Variants in SOAT1 observed in about 807,000 individuals in gnomAD.
The protein encoded by SOAT1 is sterol O-acyltransferase 1.
A neutral mutation model predicts 69.5 loss-of-function variants in SOAT1; 55 were observed. The ratio of observed to expected loss-of-function variants is 0.79; its 90% CI spans 0.64 to 0.99. SOAT1 has a LOEUF of 0.99. SOAT1 is among the 50% of genes least tolerant of loss of function. The pLI, the probability that SOAT1 is intolerant of heterozygous loss-of-function variation, is 0.00. For synonymous variants in SOAT1, 231 were observed against 224.7 expected (o/e 1.03, Z -0.25); for missense variants, 580 against 669.3 (o/e 0.87, Z 1.47).
At chr1:179,296,528 C>T (rs1158895631) in intron 1 of SOAT1, among the ~76,000 whole-genome samples, 1 of 152,162 alleles carries the variant, frequency 6.6e-6, no homozygotes. Context: ...AGAGATTATA[C>T]TAACCATACA....
Position 179,341,243 on chromosome 1 carries a change from G to C in SOAT1, c.713G>C (p.Gly238Ala). The C allele has an allele frequency of 6.2e-7, 1 of 1,614,008 alleles. No homozygotes were observed. Among genetic ancestry groups the C allele is most frequent in the African/African-American group, 1.3e-5 (1 of 74,980 alleles). ...TTCCAGATTGGAGTTCTAGGTTTTG[G>C]ACCAACATATGTTGTGTTAGCATAT... ...MIFQIGVLGF[G>A]PTYVVLAYTL... Residue 238 changes from glycine (G) to alanine (A), a missense_variant, in exon 7 of 16, where the codon GGA becomes GCA. Gly to Ala is a moderately conservative substitution (Grantham distance 60). Coordinates refer to ENST00000367619, the MANE Select transcript of SOAT1 (RefSeq NM_003101.6).
chr1:179,355,447 C>T lies in SOAT1; in HGVS notation c.*1806C>T, dbSNP rs1666874577. ...GTTAAGAAATACTATAAATATGACT[C>T]TTATGAGAAGACTTTGTTGCTCTGT... On this transcript the variant is annotated 3_prime_UTR_variant, in exon 16 of 16. Coordinates refer to ENST00000367619, the MANE Select transcript of SOAT1 (RefSeq NM_003101.6). The T allele has an allele frequency of 1.3e-5, 2 of 152,162 alleles. No individual in the cohort carries two copies. The allele number at this position is 152,162 out of a possible 1,614,324, so 9.4% of individuals were successfully genotyped here. A position where few individuals can be genotyped will look rare whatever the true frequency, so the allele number is the denominator to read the frequency against.
chr1:179,323,045 CTTTTTTTT>C (rs36045111), intron 2 of SOAT1, among the ~76,000 whole-genome samples: 2 of 126,740 alleles, frequency 1.6e-5, no homozygotes, highest in Non-Finnish European at 3.2e-5. Flanking sequence ...TCTTTTCTTT[CTTTTTTTT>C]TTTTTTTTGC....
At chr1:179,338,239 T>A (rs1167444238) in intron 5 of SOAT1, among the ~76,000 whole-genome samples, 1 of 151,980 alleles carries the variant, frequency 6.6e-6, no homozygotes, top group Admixed American at 6.6e-5. Context: ...ATACAAAAAA[T>A]TAGCCAGGCT....
rs1424881897 is a variant in SOAT1 at position 179,329,727 on chromosome 1, AAAG to A, written c.178-5775_178-5773del. The stretch of plus-strand genomic sequence containing the variant: ...AAGACTTCATCTCAAAAAAAAAAAA[AAAG>A]AAGTTTTTGGATAGTGTTTATCTAT... On this transcript the variant is annotated intron_variant, in intron 3 of 15. Coordinates refer to ENST00000367619, the MANE Select transcript of SOAT1 (RefSeq NM_003101.6). Among the ~76,000 whole-genome samples the A allele has an allele frequency of 1.1e-4, 16 of 152,212 alleles. No individual in the cohort carries two copies. The South Asian group carries it at 2.3e-3, about 22-fold the overall frequency.
At chr1:179,350,213 G>A (rs963907833) in intron 13 of SOAT1, 83 bp from the exon 14 acceptor site, 6 of 1,114,966 alleles carry the variant, frequency 5.4e-6, no homozygotes, top group African/African-American at 1.6e-5. Flanking sequence ...AGGTGCCTTT[G>A]GCATATAATT....
At chr1:179,325,713 C>T (rs1571429336) in intron 3 of SOAT1, among the ~76,000 whole-genome samples, 1 of 151,998 alleles carries the variant, frequency 6.6e-6, no homozygotes, top group African/African-American at 2.4e-5. Context: ...CTTTCCCATA[C>T]AGAATCACAA....
At chr1:179,352,391 T>A (rs1305680419) in intron 15 of SOAT1, among the ~76,000 whole-genome samples, 4 of 152,122 alleles carry the variant, frequency 2.6e-5, no homozygotes, top group Non-Finnish European at 1.5e-5. Context: ...TGCTTATAGT[T>A]ATGGATAGAA....
intron 3 of SOAT1, among the ~76,000 whole-genome samples, chr1:179,326,550 CTTTTTTTT>C (rs10568516): frequency 4.3e-4 from 46 of 106,328 alleles, no homozygotes; most frequent in African/African-American, 1.1e-3. Context: ...AATTTCTTTT[CTTTTTTTT>C]TTTTTTTTTT....
chr1:179,302,351 C>T lies in SOAT1; in HGVS notation c.-8-326C>T, dbSNP rs143076582. ...ATCTCATCTCTAACTGTAATCACCA[C>T]GTGTCTAGGGAGGGAACTGGTGGGA... On this transcript the variant is annotated intron_variant, in intron 1 of 15. Coordinates refer to ENST00000367619, the MANE Select transcript of SOAT1 (RefSeq NM_003101.6). Among the ~76,000 whole-genome samples, 488 of 152,258 alleles carry T rather than the reference C, an allele frequency of 3.2e-3. 5 individuals are homozygous for T. The highest frequency in any genetic ancestry group is 0.011 in the African/African-American group (451 of 41,548).
intron 2 of SOAT1, among the ~76,000 whole-genome samples, chr1:179,321,438 G>A (rs1236401292): frequency 6.6e-6 from 1 of 152,160 alleles, no homozygotes; most frequent in Non-Finnish European, 1.5e-5. Context: ...CCAAAGTGTG[G>A]GGATTGCAGG....
chr1:179,327,361 C>G (rs1489429085), intron 3 of SOAT1, among the ~76,000 whole-genome samples: 1 of 152,114 alleles, frequency 6.6e-6, no homozygotes. Flanking sequence ...TTTCCTTGAT[C>G]TTTAAAGTGA....
At chr1:179,328,841 C>T (rs1488554501) in intron 3 of SOAT1, among the ~76,000 whole-genome samples, 1 of 151,824 alleles carries the variant, frequency 6.6e-6, no homozygotes, top group African/African-American at 2.4e-5. Flanking sequence ...TTCATGAATT[C>T]GAGACCAGCC....
intron 3 of SOAT1, 64 bp downstream of exon 3, chr1:179,323,559 A>G: frequency 1.5e-6 from 2 of 1,301,768 alleles, no homozygotes; most frequent in Non-Finnish European, 2.2e-6. Flanking sequence ...GTTTGGTAAC[A>G]TTTTTAATGC....
At chr1:179,317,855 A>G (rs1283211602) in intron 2 of SOAT1, among the ~76,000 whole-genome samples, 1 of 152,122 alleles carries the variant, frequency 6.6e-6, no homozygotes, top group African/African-American at 2.4e-5. Flanking sequence ...ATTATTCACA[A>G]ACTCATTTGT....
At position 179,302,812 on chromosome 1, in the gene SOAT1, AAT is replaced by A; in HGVS notation, c.118+11_118+12del. ...GAGACACCTAGTAATGGTGAGGCTT[AAT>A]TTTTTTTTTTTAGGTGAATTAGTGA... On this transcript the variant is annotated intron_variant, in intron 2 of 15. Transcript: ENST00000367619. 1 of 1,503,106 alleles carries A rather than the reference AAT, an allele frequency of 6.7e-7. No individual in the cohort carries two copies. The highest frequency in any genetic ancestry group is 9.0e-7 in the Non-Finnish European group (1 of 1,111,984). 93.1% of individuals were successfully genotyped at this position (1,503,106 alleles called of 1,614,324 possible). A position where few individuals can be genotyped will look rare whatever the true frequency, so the allele number is the denominator to read the frequency against.
At chr1:179,340,956 T>G in intron 6 of SOAT1, 72 bp from the exon 7 acceptor site, 1 of 1,449,104 alleles carries the variant, frequency 6.9e-7, no homozygotes, top group South Asian at 1.3e-5. Flanking sequence ...GTTTGAAACT[T>G]TTAAATTCTG....
chr1:179,304,827 T>G (rs1328217357), intron 2 of SOAT1, among the ~76,000 whole-genome samples: 2 of 152,062 alleles, frequency 1.3e-5, no homozygotes, highest in Non-Finnish European at 2.9e-5. Flanking sequence ...TTTTGTATTT[T>G]AATAGAGTTG....
At chr1:179,302,903 T>C (rs1664883085) in intron 2 of SOAT1, 101 bp downstream of exon 2, 1 of 604,886 alleles carries the variant, frequency 1.7e-6, no homozygotes, top group African/African-American at 1.9e-5. Context: ...TTATTGTAAA[T>C]GGGTATTGAT....
Sources: gnomAD v4.1 joint callset for allele counts (sites outside exome capture counted in the v4.1 genomes callset) on GRCh38, gnomAD v4.1.1 for gene constraint, MANE v1.5 for transcripts, NCBI Gene and HGNC (gene_info 2026-07-23, HGNC 2026-07-21) for gene names.